GPR155: variants seen among roughly 807,000 people sequenced by gnomAD.
GPR155 encodes the protein lysosomal cholesterol signaling protein.
Under a neutral mutation model 93.1 loss-of-function variants are expected in GPR155, and 65 were observed. That is an observed-to-expected ratio of 0.70 (90% CI 0.57 to 0.86). The LOEUF (loss-of-function observed/expected upper bound fraction) is 0.86, where lower values mean the gene tolerates loss of function less well. Among genes scored for constraint, GPR155 ranks in the 40% least tolerant of loss-of-function variants. The probability of loss-of-function intolerance (pLI) is 0.00; values close to 1 mark genes in which losing one functional copy is unlikely to be tolerated. For synonymous variants in GPR155, 319 were observed against 360.1 expected, an observed-to-expected ratio of 0.89 and a Z score of 1.29; for missense variants, 838 against 1,034.8, an observed-to-expected ratio of 0.81 and a Z score of 2.61.
At chr2:174,462,858 A>G (rs1400406312) in intron 7 of GPR155, among the ~76,000 whole-genome samples, 2 of 152,194 alleles carry the variant, frequency 1.3e-5, no homozygotes, top group African/African-American at 4.8e-5. Context: ...TAAATTCTAC[A>G]TAGTTATAGG....
chr2:174,464,153 A>G (rs1239220546), intron 7 of GPR155, among the ~76,000 whole-genome samples: 1 of 152,244 alleles, frequency 6.6e-6, no homozygotes, highest in African/African-American at 2.4e-5. Context: ...AAATCAGTCT[A>G]TCTTTTTGGG....
chr2:174,481,801 A>G lies in GPR155; in HGVS notation c.156T>C (p.Ile52=), dbSNP rs1380488159. 5 of 1,614,244 alleles carry G rather than the reference A, an allele frequency of 3.1e-6. No homozygotes were observed. The highest frequency in any genetic ancestry group is 4.2e-6 in the Non-Finnish European group (5 of 1,180,048). Residue 52 remains isoleucine (I), a synonymous_variant, in exon 2 of 16, where the codon ATT becomes ATC. Coordinates refer to ENST00000392552, the MANE Select transcript of GPR155 (RefSeq NM_152529.7). ...LFPALLECFG[I]VLCGYIAGRA... is the part of the protein sequence containing the mutation. ...TTCCTGCTATGTAGCCACAAAGGAC[A>G]ATGCCAAAGCATTCCAGTAAGGCTG...
At chr2:174,454,403 C>T (rs4972664) in intron 10 of GPR155, among the ~76,000 whole-genome samples, 95,908 of 151,966 alleles carry the variant, frequency 0.63, 32,326 homozygotes, top group Middle Eastern at 0.82. Flanking sequence ...TCCCAAAGTG[C>T]TGGGATTACA....
chr2:174,446,539 G>A (rs1006765191), intron 12 of GPR155, 72 bp downstream of exon 12: 44 of 1,440,136 alleles, frequency 3.1e-5, no homozygotes, highest in South Asian at 1.5e-4. Flanking sequence ...AGTTTTTCCC[G>A]GATGCCTGAA....
intron 9 of GPR155, among the ~76,000 whole-genome samples, chr2:174,460,398 G>A (rs921231509): frequency 2.6e-5 from 4 of 151,872 alleles, no homozygotes; most frequent in South Asian, 4.2e-4. Context: ...TTCTGATCTC[G>A]TGACCCACCC....
Position 174,465,812 on chromosome 2 carries a change from A to C in GPR155, c.1357T>G (p.Ser453Ala). The C allele has an allele frequency of 6.3e-7, 1 of 1,593,304 alleles. No homozygotes were observed. Among genetic ancestry groups the C allele is most frequent in the Non-Finnish European group, 8.6e-7 (1 of 1,161,830 alleles). Residue 453 changes from serine to alanine, a missense_variant, in exon 7 of 16, where the codon TCC (serine) becomes GCC (alanine). Transcript: ENST00000392552. ...QILVFVLLYS[S>A]LYSTYLWTGL... ...GTCCACAGGTAGGTGCTATAGAGGGAGCTGTACAATAGAACAAACACCAAA... is the reference window on the plus strand; with the variant it reads ...GTCCACAGGTAGGTGCTATAGAGGGCGCTGTACAATAGAACAAACACCAAA...
intron 1 of GPR155, among the ~76,000 whole-genome samples, chr2:174,484,017 AT>A (rs1378355589): frequency 6.6e-6 from 1 of 152,252 alleles, no homozygotes; most frequent in Non-Finnish European, 1.5e-5. Flanking sequence ...TCTATATCAC[AT>A]TAAAAAGACT....
At chr2:174,479,950 T>A (rs1688273778) in intron 2 of GPR155, among the ~76,000 whole-genome samples, 1 of 152,200 alleles carries the variant, frequency 6.6e-6, no homozygotes, top group African/African-American at 2.4e-5. Flanking sequence ...TTACTGACAG[T>A]TATTTAACTT....
Position 174,453,860 on chromosome 2 carries a change from A to T in GPR155, c.1772-19T>A. 1 of 1,534,438 alleles carries T rather than the reference A, an allele frequency of 6.5e-7. No individual in the cohort carries two copies. The highest frequency in any genetic ancestry group is 9.0e-7 in the Non-Finnish European group (1 of 1,108,242). On this transcript the variant is annotated intron_variant, in intron 10 of 15. Coordinates refer to ENST00000392552, the MANE Select transcript of GPR155 (RefSeq NM_152529.7). ...CAGCAACCTATATCAATCAAATAGT[A>T]TGTGAGAGTAGAGCCCAACCACAAC...
chr2:174,439,393 C>T (rs1415556324), intron 15 of GPR155, among the ~76,000 whole-genome samples: 1 of 151,910 alleles, frequency 6.6e-6, no homozygotes, highest in African/African-American at 2.4e-5. Flanking sequence ...ATACTTCATA[C>T]CTTAAGGATT....
Position 174,435,781 on chromosome 2 carries a change from T to G in GPR155, c.*335A>C. The G allele has an allele frequency of 5.0e-6, 1 of 198,434 alleles. No homozygotes were observed. 12.3% of individuals were successfully genotyped at this position (198,434 alleles called of 1,614,324 possible). A position where few individuals can be genotyped will look rare whatever the true frequency, so the allele number is the denominator to read the frequency against. Reference sequence around the variant, plus strand: ...GAGCCACCATGCCCGGCCTACACCATTTTATATAAGGGACTTGAGTATCCT... The same window carrying G: ...GAGCCACCATGCCCGGCCTACACCAGTTTATATAAGGGACTTGAGTATCCT... On this transcript the variant is annotated 3_prime_UTR_variant, in exon 16 of 16. Coordinates refer to ENST00000392552, the MANE Select transcript of GPR155 (RefSeq NM_152529.7).
intron 13 of GPR155, 46 bp from the exon 14 acceptor site, chr2:174,442,229 A>AT (rs1394971058): frequency 9.8e-7 from 1 of 1,019,128 alleles, no homozygotes; most frequent in South Asian, 1.3e-5. Flanking sequence ...CAACAATAAC[A>AT]TTTTAAAACA....
chr2:174,485,159 A>G (rs1289556510), intron 1 of GPR155, among the ~76,000 whole-genome samples: 2 of 152,248 alleles, frequency 1.3e-5, no homozygotes, highest in Admixed American at 6.5e-5. Flanking sequence ...CAATTAAGAT[A>G]AGTTGAATTT....
In GPR155 at chr2:174,455,715, G is replaced by T. The variant is rs867429456; in HGVS notation, c.1772-1874C>A. ...CTCAAGGGGAAACAGCAGAGATGTT[G>T]CTGAGCTGGGAAGTTCTAAAGAATG... On this transcript the variant is annotated intron_variant, in intron 10 of 15. Coordinates refer to ENST00000392552, the MANE Select transcript of GPR155 (RefSeq NM_152529.7). 3.3e-5 allele frequency among the ~76,000 whole-genome samples: 5 copies of T among 152,326 alleles called. No individual in the cohort carries two copies. In the South Asian group the frequency reaches 8.3e-4, roughly 25 times the overall value.
At chr2:174,467,192 G>A (rs908092034) in intron 5 of GPR155, among the ~76,000 whole-genome samples, 71 of 148,616 alleles carry the variant, frequency 4.8e-4, no homozygotes, top group African/African-American at 9.4e-4. Context: ...ACAAAACAAA[G>A]CAAAACAAAA....
intron 5 of GPR155, among the ~76,000 whole-genome samples, chr2:174,467,476 ACT>A (rs767518285): frequency 3.9e-5 from 6 of 151,920 alleles, no homozygotes; most frequent in Non-Finnish European, 5.9e-5. Flanking sequence ...ACAGAGGGAG[ACT>A]CTGTCTCAAC....
intron 5 of GPR155, 90 bp from the exon 6 acceptor site, chr2:174,466,717 C>A: frequency 2.9e-6 from 2 of 682,334 alleles, no homozygotes; most frequent in South Asian, 1.8e-5. Flanking sequence ...CTTTAAATAA[C>A]CCTCTTTGTC....
intron 3 of GPR155, 151 bp downstream of exon 3, chr2:174,472,814 C>T (rs1294878221): frequency 1.7e-6 from 1 of 595,340 alleles, no homozygotes; most frequent in Non-Finnish European, 2.9e-6. Flanking sequence ...TTCCACAATA[C>T]ACCATCACAT....
chr2:174,436,352 C>T lies in GPR155; in HGVS notation c.2377G>A (p.Val793Ile), dbSNP rs1251881090. ...TCACCACGGTCGGAGGCAAGGCCGACTTCAATTAGCCAGCTCACCAGGTCA... is the reference window on the plus strand; with the variant it reads ...TCACCACGGTCGGAGGCAAGGCCGATTTCAATTAGCCAGCTCACCAGGTCA... ...GCDLVSWLIEVGLASDRGEAV... is the reference protein window; with the variant it reads ...GCDLVSWLIEIGLASDRGEAV... The change falls in exon 16 of 16, where the codon GTC (valine) becomes ATC (isoleucine). Residue 793 changes from valine (V) to isoleucine (I), a missense_variant. By Grantham distance (29) the Val-to-Ile change is conservative (BLOSUM62 3). Coordinates refer to ENST00000392552, the MANE Select transcript of GPR155 (RefSeq NM_152529.7). The T allele has an allele frequency of 6.2e-7, 1 of 1,614,086 alleles. No homozygotes were observed. Among genetic ancestry groups the T allele is most frequent in the Non-Finnish European group, 8.5e-7 (1 of 1,180,050 alleles).
Sources: gnomAD v4.1 joint callset for allele counts (sites outside exome capture counted in the v4.1 genomes callset) on GRCh38, gnomAD v4.1.1 for gene constraint, MANE v1.5 for transcripts, NCBI Gene and HGNC (gene_info 2026-07-23, HGNC 2026-07-21) for gene names.